OSBPL1A: variants seen among roughly 807,000 people sequenced by gnomAD.
OSBPL1A encodes the protein oxysterol-binding protein-related protein 1.
A neutral mutation model predicts 137.1 loss-of-function variants in OSBPL1A; 80 were observed. The ratio of observed to expected loss-of-function variants is 0.58; its 90% CI spans 0.49 to 0.70. The LOEUF is 0.70. Ranked by LOEUF, OSBPL1A falls within the 30% of genes least tolerant of loss-of-function variation. The probability of loss-of-function intolerance (pLI) is 0.00; values close to 1 mark genes in which losing one functional copy is unlikely to be tolerated. For synonymous variants in OSBPL1A, 365 were observed against 389.7 expected, an observed-to-expected ratio of 0.94 and a Z score of 0.75; for missense variants, 970 against 1,129.4, an observed-to-expected ratio of 0.86 and a Z score of 2.02.
intron 14 of OSBPL1A, chr18:24,302,281 ATCATTTATACTTTGGTGAAG>A (rs1025086175): frequency 6.6e-6 from 1 of 151,834 alleles, no homozygotes; most frequent in African/African-American, 2.4e-5. Flanking sequence ...AAATAACTAC[ATCATTTATACTTTGGTGAAG>A]TCATTTATAT....
chr18:24,246,341 G>C (rs2088885888), intron 15 of OSBPL1A, among the ~76,000 whole-genome samples: 1 of 152,164 alleles, frequency 6.6e-6, no homozygotes, highest in South Asian at 2.1e-4. Context: ...GATGTGCACA[G>C]GGCTTGCAAA....
At chr18:24,352,048 C>T (rs1460701015) in intron 4 of OSBPL1A, among the ~76,000 whole-genome samples, 1 of 152,130 alleles carries the variant, frequency 6.6e-6, no homozygotes, top group Non-Finnish European at 1.5e-5. Flanking sequence ...TGGCTCACAC[C>T]TGTAATCCTA....
At chr18:24,347,825 G>A (rs981912800) in intron 4 of OSBPL1A, 2 of 116,384 alleles carry the variant, frequency 1.7e-5, no homozygotes, top group African/African-American at 3.4e-5. Flanking sequence ...CTGGCCAACA[G>A]AGCGACACTC....
intron 4 of OSBPL1A, among the ~76,000 whole-genome samples, chr18:24,346,169 G>C (rs538507725): frequency 6.6e-6 from 1 of 152,076 alleles, no homozygotes; most frequent in Non-Finnish European, 1.5e-5. Context: ...CTCCCAAATC[G>C]CCCCAGCTCC....
At chr18:24,256,496 C>T (rs962589967) in intron 15 of OSBPL1A, among the ~76,000 whole-genome samples, 3 of 152,012 alleles carry the variant, frequency 2.0e-5, no homozygotes, top group South Asian at 2.1e-4. Flanking sequence ...CATGAAAGAC[C>T]CACAGCTAGT....
intron 4 of OSBPL1A, among the ~76,000 whole-genome samples, chr18:24,348,078 T>C (rs2091376669): frequency 6.6e-6 from 1 of 152,128 alleles, no homozygotes; most frequent in African/African-American, 2.4e-5. Context: ...CCTGAAAGGG[T>C]AAGTTTGAAT....
chr18:24,167,393 A>G lies in OSBPL1A; in HGVS notation c.2471T>C (p.Val824Ala). ...AAGAACGCTTCCAGGGATAATGAAT[A>G]CACTTTCAGAATCCGGCACTGGCAT... ...DEMPVPDSES[V>A]FIIPGSVLLW... The change falls in exon 25 of 28, where the codon GTA becomes GCA. Residue 824 changes from valine (V) to alanine (A), a missense_variant. Around this residue, in one of 2 missense-constraint regions of OSBPL1A, gnomAD observed 323 missense variants for 456.8 expected, o/e 0.71. Coordinates refer to ENST00000319481, the MANE Select transcript of OSBPL1A (RefSeq NM_080597.4). The G allele has an allele frequency of 2.5e-6, 4 of 1,614,254 alleles. No individual in the cohort carries two copies. The highest frequency in any genetic ancestry group is 3.4e-6 in the Non-Finnish European group (4 of 1,180,050).
At chr18:24,265,411 C>A (rs974964615) in intron 15 of OSBPL1A, among the ~76,000 whole-genome samples, 9 of 152,178 alleles carry the variant, frequency 5.9e-5, no homozygotes, top group African/African-American at 2.2e-4. Flanking sequence ...ACCTGGGAGG[C>A]AGCGGTTTCA....
chr18:24,304,510 T>C (rs945306510), intron 13 of OSBPL1A, among the ~76,000 whole-genome samples: 1 of 152,204 alleles, frequency 6.6e-6, no homozygotes, highest in Non-Finnish European at 1.5e-5. Context: ...AAAATTATTA[T>C]TGTAAATTTG....
intron 9 of OSBPL1A, 82 bp from the exon 10 acceptor site, chr18:24,317,482 A>G (rs1026818052): frequency 9.1e-7 from 1 of 1,104,028 alleles, no homozygotes; most frequent in Non-Finnish European, 1.4e-6. Flanking sequence ...TTAAGTGAGG[A>G]CAGTCATATT....
At chr18:24,207,788 C>CA (rs1246087978) in intron 17 of OSBPL1A, among the ~76,000 whole-genome samples, 1 of 152,196 alleles carries the variant, frequency 6.6e-6, no homozygotes. Flanking sequence ...CTCTGTCACC[C>CA]AGGCTGGAAT....
intron 14 of OSBPL1A, among the ~76,000 whole-genome samples, chr18:24,292,263 G>A (rs1314223636): frequency 6.6e-6 from 1 of 152,128 alleles, no homozygotes; most frequent in Non-Finnish European, 1.5e-5. Flanking sequence ...AAATAAAACA[G>A]AATTCAGGGG....
chr18:24,307,105 AC>A (rs1391894880), intron 13 of OSBPL1A, among the ~76,000 whole-genome samples: 18 of 147,044 alleles, frequency 1.2e-4, no homozygotes, highest in African/African-American at 3.8e-4. Context: ...AAAAAAAAAA[AC>A]AAAAACAAAA....
rs1434346894 is a variant in OSBPL1A, at chr18:24,178,143, T to C, written c.1963A>G (p.Ile655Val). 5.0e-6 allele frequency: 8 copies of C among 1,613,500 alleles called. No homozygotes were observed. The highest frequency in any genetic ancestry group is 4.4e-5 in the South Asian group (4 of 91,062). Residue 655 changes from isoleucine (I) to valine (V), a missense_variant, in exon 21 of 28, where the codon ATC becomes GTC. This residue lies in a region of OSBPL1A where 323 missense variants were observed against 456.8 expected (regional missense o/e 0.71). Transcript: ENST00000319481. ...ISEQVSHHPP[I>V]SAFHAEGLNN... ...AATCCTTCAGCATGAAATGCACTGA[T>C]TGGTGGGTGATGGCTGACCTGTTCG... is the stretch of plus-strand genomic sequence containing the variant.
At chr18:24,280,083 T>C (rs551641234) in intron 15 of OSBPL1A, among the ~76,000 whole-genome samples, 19 of 152,112 alleles carry the variant, frequency 1.2e-4, no homozygotes, top group African/African-American at 4.6e-4. Context: ...AGTAGCTGGA[T>C]TGCAGGTGTG....
chr18:24,353,519 A>G (rs2091480496), intron 4 of OSBPL1A, among the ~76,000 whole-genome samples: 1 of 152,014 alleles, frequency 6.6e-6, no homozygotes, highest in African/African-American at 2.4e-5. Context: ...GCGATTCCTC[A>G]GGGATCTAGA....
intron 17 of OSBPL1A, among the ~76,000 whole-genome samples, chr18:24,206,630 C>T (rs1009430169): frequency 6.6e-6 from 1 of 152,214 alleles, no homozygotes; most frequent in Non-Finnish European, 1.5e-5. Context: ...CCGAGGGTTA[C>T]GTCCTCTCCC....
chr18:24,211,030 A>G (rs1416713675), intron 17 of OSBPL1A, among the ~76,000 whole-genome samples: 1 of 152,062 alleles, frequency 6.6e-6, no homozygotes, highest in Non-Finnish European at 1.5e-5. Flanking sequence ...CCACGGCATG[A>G]TCTTGGCTCC....
At chr18:24,361,996 C>CAAAAAA (rs200189504) in intron 4 of OSBPL1A, among the ~76,000 whole-genome samples, 30 of 51,898 alleles carry the variant, frequency 5.8e-4, no homozygotes, top group Non-Finnish European at 8.6e-4. Flanking sequence ...GACTCCATCT[C>CAAAAAA]AAAAAAAAAA....
Sources: gnomAD v4.1 joint callset for allele counts (sites outside exome capture counted in the v4.1 genomes callset) on GRCh38, gnomAD v4.1.1 for gene constraint, gnomAD v4.1.1 regional missense constraint, MANE v1.5 for transcripts, NCBI Gene and HGNC (gene_info 2026-07-23, HGNC 2026-07-21) for gene names.